The following SH3RF3 variants were observed in gnomAD, a reference collection of about 807,000 sequenced individuals.
SH3RF3 encodes SH3 domain containing ring finger 3, also known as E3 ubiquitin-protein ligase SH3RF3.
In SH3RF3, 29 loss-of-function variants were observed where a neutral mutation model predicts 66.3. That is an observed-to-expected ratio of 0.44 (90% confidence interval 0.33 to 0.60). The LOEUF (loss-of-function observed/expected upper bound fraction) is 0.60. SH3RF3 is among the 20% of genes least tolerant of loss of function. The probability of loss-of-function intolerance (pLI) is 0.04; values close to 1 mark genes in which losing one functional copy is unlikely to be tolerated. For missense variants in SH3RF3, 1,194 were observed against 1,190.9 expected, an observed-to-expected ratio of 1.00 and a Z score of -0.04; for synonymous variants, 583 against 532.0, an observed-to-expected ratio of 1.10 and a Z score of -1.32.
intron 1 of SH3RF3, among the ~76,000 whole-genome samples, chr2:109,277,611 C>T (rs1042638223): frequency 4.6e-5 from 7 of 152,200 alleles, no homozygotes; most frequent in African/African-American, 1.2e-4. Context: ...CCTCCGCGTG[C>T]GTAGCTCAGA....
chr2:109,179,001 TAATGTG>T lies in SH3RF3; in HGVS notation c.573+48889_573+48894del, dbSNP rs1391333928. ...ATACTTTTTTTCTTATAAAGTATAA[TAATGTG>T]TGTGTGTGTGTGTGTGTGTGTGTGT... On this transcript the variant is annotated intron_variant, in intron 1 of 9. Transcript: ENST00000309415. Among the ~76,000 whole-genome samples, 21 of 65,390 alleles carry T rather than the reference TAATGTG, an allele frequency of 3.2e-4. 1 individual carries two copies. Among genetic ancestry groups the T allele is most frequent in the Admixed American group, 1.5e-3 (8 of 5,476 alleles). The allele number at this position is 65,390 out of a possible 152,430, so 42.9% of individuals were successfully genotyped here. A position where few individuals can be genotyped will look rare whatever the true frequency, so the allele number is the denominator to read the frequency against.
intron 1 of SH3RF3, among the ~76,000 whole-genome samples, chr2:109,247,216 C>T (rs183847068): frequency 3.9e-5 from 6 of 152,194 alleles, no homozygotes; most frequent in Middle Eastern, 3.4e-3. Context: ...GAAGTCACAC[C>T]CCACACAGAT....
chr2:109,333,974 A>T (rs566461156), intron 1 of SH3RF3, among the ~76,000 whole-genome samples: 1 of 152,330 alleles, frequency 6.6e-6, no homozygotes, highest in African/African-American at 2.4e-5. Flanking sequence ...GACAAGTGGT[A>T]ATGTGTTAAA....
intron 1 of SH3RF3, among the ~76,000 whole-genome samples, chr2:109,288,590 T>C (rs567862772): frequency 6.6e-6 from 1 of 152,366 alleles, no homozygotes; most frequent in African/African-American, 2.4e-5. Flanking sequence ...AGAATTGTTC[T>C]GTTTCCTGAC....
chr2:109,240,679 A>G (rs1679756482), intron 1 of SH3RF3, among the ~76,000 whole-genome samples: 1 of 152,112 alleles, frequency 6.6e-6, no homozygotes, highest in South Asian at 2.1e-4. Context: ...CAGAGAGGCC[A>G]TTAGGTGAGA....
chr2:109,341,324 A>G (rs1682549495), intron 1 of SH3RF3, among the ~76,000 whole-genome samples: 1 of 152,238 alleles, frequency 6.6e-6, no homozygotes, highest in Non-Finnish European at 1.5e-5. Flanking sequence ...ATAAAGTGGA[A>G]GATGGGATAC....
intron 2 of SH3RF3, 25 bp from the exon 3 acceptor site, chr2:109,371,561 G>A (rs371470916): frequency 1.1e-4 from 178 of 1,606,654 alleles, no homozygotes; most frequent in Non-Finnish European, 1.5e-4. Flanking sequence ...GTATGCTTGT[G>A]TCCACGGTGG....
chr2:109,391,945 G>A (rs1676009370), intron 3 of SH3RF3, among the ~76,000 whole-genome samples: 1 of 151,994 alleles, frequency 6.6e-6, no homozygotes, highest in Non-Finnish European at 1.5e-5. Context: ...AGCCTCCTGA[G>A]TAGCCAGGAC....
intron 4 of SH3RF3, 51 bp downstream of exon 4, chr2:109,398,994 T>A: frequency 6.6e-7 from 1 of 1,521,890 alleles, no homozygotes; most frequent in Non-Finnish European, 8.8e-7. Context: ...TGGGGTTCTA[T>A]CCTCAGCTCC....
intron 1 of SH3RF3, among the ~76,000 whole-genome samples, chr2:109,207,693 T>C (rs900228753): frequency 5.9e-5 from 9 of 152,190 alleles, no homozygotes; most frequent in African/African-American, 1.9e-4. Context: ...TATTTTCACA[T>C]GGAAACAAAA....
chr2:109,342,416 A>T (rs756136302), intron 1 of SH3RF3, among the ~76,000 whole-genome samples: 2 of 152,230 alleles, frequency 1.3e-5, no homozygotes, highest in Non-Finnish European at 2.9e-5. Context: ...GGAGCATCCA[A>T]CAGTGAGCAA....
chr2:109,192,993 G>C (rs1041057341), intron 1 of SH3RF3, among the ~76,000 whole-genome samples: 1 of 152,194 alleles, frequency 6.6e-6, no homozygotes, highest in Admixed American at 6.5e-5. Context: ...TTGTGACTTG[G>C]AAACCTGCAA....
At chr2:109,270,608 G>T (rs1032522420) in intron 1 of SH3RF3, among the ~76,000 whole-genome samples, 11 of 152,154 alleles carry the variant, frequency 7.2e-5, no homozygotes, top group African/African-American at 2.7e-4. Flanking sequence ...AGGAGGCCAC[G>T]GGTGCAGGGC....
chr2:109,289,348 A>G (rs1178456251), intron 1 of SH3RF3, among the ~76,000 whole-genome samples: 1 of 152,186 alleles, frequency 6.6e-6, no homozygotes, highest in Non-Finnish European at 1.5e-5. Flanking sequence ...AAGGTCTTAG[A>G]AACAACCATT....
intron 1 of SH3RF3, among the ~76,000 whole-genome samples, chr2:109,267,480 G>A (rs1255761613): frequency 6.6e-6 from 1 of 152,218 alleles, no homozygotes; most frequent in African/African-American, 2.4e-5. Context: ...GACAGAGTCA[G>A]TGTTGCTGAG....
At chr2:109,210,748 A>G (rs1322387746) in intron 1 of SH3RF3, among the ~76,000 whole-genome samples, 1 of 152,224 alleles carries the variant, frequency 6.6e-6, no homozygotes, top group Non-Finnish European at 1.5e-5. Flanking sequence ...GAGGAAAGGG[A>G]GAAATGCTGT....
At chr2:109,445,708 G>T (rs72947121) in intron 7 of SH3RF3, among the ~76,000 whole-genome samples, 2,066 of 152,194 alleles carry the variant, frequency 0.014, 60 homozygotes, top group African/African-American at 0.047. Flanking sequence ...GACCTGGTGG[G>T]ACCCAGAGTC....
At chr2:109,452,729 T>C (rs896678478) in intron 8 of SH3RF3, among the ~76,000 whole-genome samples, 5 of 152,112 alleles carry the variant, frequency 3.3e-5, no homozygotes, top group Admixed American at 6.5e-5. Flanking sequence ...GGGAGGCTTG[T>C]GCCAGGAGGC....
chr2:109,341,075 T>G (rs936102074), intron 1 of SH3RF3, among the ~76,000 whole-genome samples: 1 of 152,210 alleles, frequency 6.6e-6, no homozygotes, highest in African/African-American at 2.4e-5. Flanking sequence ...TTTCATCCTT[T>G]GTCTTATTTC....
Sources: gnomAD v4.1 joint callset for allele counts (sites outside exome capture counted in the v4.1 genomes callset) on GRCh38, gnomAD v4.1.1 for gene constraint, MANE v1.5 for transcripts, NCBI Gene and HGNC (gene_info 2026-07-23, HGNC 2026-07-21) for gene names.